The following DCC variants were observed in gnomAD, a reference collection of about 807,000 sequenced individuals.
DCC encodes the protein netrin receptor DCC.
A neutral mutation model predicts 172.5 loss-of-function variants in DCC; 58 were observed. The ratio of observed to expected loss-of-function variants is 0.34; its 90% confidence interval spans 0.27 to 0.42. The LOEUF (loss-of-function observed/expected upper bound fraction) is 0.42. DCC is among the 10% of genes least tolerant of loss of function. The pLI is 1.00. For missense variants in DCC, 1,740 were observed against 1,791.0 expected, an observed-to-expected ratio of 0.97 and a Z score of 0.51; for synonymous variants, 709 against 644.5, an observed-to-expected ratio of 1.10 and a Z score of -1.52.
intron 1 of DCC, among the ~76,000 whole-genome samples, chr18:52,452,800 C>G (rs1384813681): frequency 1.3e-5 from 2 of 152,122 alleles, no homozygotes; most frequent in Admixed American, 1.3e-4. Flanking sequence ...CAACAAAGAA[C>G]CAGGGAGAGA....
At chr18:53,514,006 A>T (rs2046299348) in intron 27 of DCC, among the ~76,000 whole-genome samples, 1 of 150,230 alleles carries the variant, frequency 6.7e-6, no homozygotes, top group South Asian at 2.1e-4. Context: ...TCAACAGAAT[A>T]TACATTTTTT....
At chr18:53,061,674 C>G (rs974155552) in intron 5 of DCC, among the ~76,000 whole-genome samples, 3 of 152,088 alleles carry the variant, frequency 2.0e-5, no homozygotes, top group African/African-American at 4.8e-5. Context: ...ACAGTTATAG[C>G]AAATCACTTT....
chr18:53,092,978 A>T (rs1408754907), intron 7 of DCC, among the ~76,000 whole-genome samples: 8 of 19,336 alleles, frequency 4.1e-4, no homozygotes, highest in Non-Finnish European at 2.4e-4. Context: ...ATTACTATTT[A>T]AAAAAAAGTG....
At chr18:52,710,410 G>C (rs923616591) in intron 1 of DCC, among the ~76,000 whole-genome samples, 2 of 152,150 alleles carry the variant, frequency 1.3e-5, no homozygotes, top group Non-Finnish European at 2.9e-5. Context: ...TATGAATGAT[G>C]TAATGTGATA....
At chr18:53,122,091 A>G (rs981273021) in intron 7 of DCC, among the ~76,000 whole-genome samples, 4 of 151,928 alleles carry the variant, frequency 2.6e-5, no homozygotes, top group African/African-American at 9.7e-5. Flanking sequence ...TTGTTATCCA[A>G]TTGCTGCATG....
chr18:53,145,104 G>GTTT (rs2043886639), intron 7 of DCC, among the ~76,000 whole-genome samples: 23 of 57,588 alleles, frequency 4.0e-4, no homozygotes, highest in Admixed American at 2.2e-3. Flanking sequence ...TGAGGGCTCT[G>GTTT]CTTTTTTTTT....
At chr18:52,477,616 A>G (rs959093769) in intron 1 of DCC, among the ~76,000 whole-genome samples, 1 of 152,112 alleles carries the variant, frequency 6.6e-6, no homozygotes, top group Non-Finnish European at 1.5e-5. Flanking sequence ...CAGCCCCACA[A>G]GGCTAGGCAG....
chr18:53,454,793 T>G (rs181278747), intron 23 of DCC, among the ~76,000 whole-genome samples: 1 of 152,274 alleles, frequency 6.6e-6, no homozygotes, highest in East Asian at 1.9e-4. Flanking sequence ...ATAGGTCACT[T>G]TTACTGATTT....
intron 25 of DCC, among the ~76,000 whole-genome samples, chr18:53,480,525 C>T (rs982874422): frequency 6.6e-6 from 1 of 152,162 alleles, no homozygotes; most frequent in African/African-American, 2.4e-5. Context: ...GCATAGCACT[C>T]TTTTTTTCAA....
chr18:52,933,826 T>C (rs1329711617), intron 5 of DCC, among the ~76,000 whole-genome samples: 2 of 152,108 alleles, frequency 1.3e-5, no homozygotes, highest in African/African-American at 2.4e-5. Flanking sequence ...TAACATCACC[T>C]GGATAGTGTA....
At chr18:52,513,846 T>C (rs1029443347) in intron 1 of DCC, among the ~76,000 whole-genome samples, 5 of 152,184 alleles carry the variant, frequency 3.3e-5, no homozygotes, top group African/African-American at 1.2e-4. Context: ...TTGTTTCATT[T>C]CGATTAACAG....
intron 5 of DCC, among the ~76,000 whole-genome samples, chr18:52,968,193 C>T (rs761263881): frequency 6.6e-6 from 1 of 152,044 alleles, no homozygotes; most frequent in African/African-American, 2.4e-5. Flanking sequence ...TAATGGATCA[C>T]GAGATGGAGT....
intron 12 of DCC, among the ~76,000 whole-genome samples, chr18:53,248,237 T>G (rs1445736276): frequency 1.3e-5 from 2 of 152,026 alleles, no homozygotes; most frequent in African/African-American, 2.4e-5. Flanking sequence ...ATGTATATGT[T>G]GGAAGATGGT....
chr18:53,330,369 T>TTCAA (rs1468832531), intron 14 of DCC, among the ~76,000 whole-genome samples: 1 of 152,132 alleles, frequency 6.6e-6, no homozygotes, highest in Non-Finnish European at 1.5e-5. Context: ...TCAATATCCA[T>TTCAA]TCAATCACCA....
Position 53,229,457 on chromosome 18 carries a change from C to A in DCC, c.1911+13860C>A, listed in dbSNP as rs115149464. On this transcript the variant is annotated intron_variant, in intron 12 of 28. Transcript: ENST00000442544. Reference sequence around the variant, plus strand: ...ATCAAATATGTTACATGTAACAGTTCCTCATTCTTTTACTACATTTTACTA... The same window carrying A: ...ATCAAATATGTTACATGTAACAGTTACTCATTCTTTTACTACATTTTACTA... 7.3e-3 allele frequency among the ~76,000 whole-genome samples: 1,115 copies of A among 152,160 alleles called. 11 individuals are homozygous for A. Among genetic ancestry groups the A allele is most frequent in the African/African-American group, 0.025 (1,048 of 41,536 alleles).
At chr18:53,419,815 T>C (rs942597886) in intron 21 of DCC, among the ~76,000 whole-genome samples, 1 of 131,060 alleles carries the variant, frequency 7.6e-6, no homozygotes, top group Non-Finnish European at 1.8e-5. Context: ...AGAAACCACA[T>C]TCCAAAAGCC....
At chr18:52,952,794 G>A (rs1159365305) in intron 5 of DCC, among the ~76,000 whole-genome samples, 3 of 151,900 alleles carry the variant, frequency 2.0e-5, no homozygotes, top group Admixed American at 6.6e-5. Context: ...GAGGCCAGGA[G>A]TTCAAGACTA....
At chr18:52,869,216 G>T (rs1306843397) in intron 2 of DCC, among the ~76,000 whole-genome samples, 2 of 152,216 alleles carry the variant, frequency 1.3e-5, no homozygotes, top group African/African-American at 2.4e-5. Flanking sequence ...AAGTTGCGCA[G>T]ACAAGTGGAG....
At chr18:53,260,357 A>G (rs138398347) in intron 12 of DCC, among the ~76,000 whole-genome samples, 14,308 of 151,888 alleles carry the variant, frequency 0.094, 739 homozygotes, top group Middle Eastern at 0.18. Context: ...GTCTTTGATG[A>G]TGGTGACGTA....
Sources: allele counts gnomAD v4.1 joint callset (sites outside exome capture counted in the v4.1 genomes callset), GRCh38; gene constraint gnomAD v4.1.1; transcripts MANE v1.5; gene names NCBI Gene and HGNC (gene_info 2026-07-23, HGNC 2026-07-21).